Variants in ZNF730 observed in about 807,000 individuals in gnomAD.
ZNF730 encodes the protein putative zinc finger protein 730.
In ZNF730, 12 loss-of-function variants were observed where a neutral mutation model predicts 12.6. That is an observed-to-expected ratio of 0.95 (90% confidence interval 0.61 to 1.54). The LOEUF is 1.54. Ranked by LOEUF, ZNF730 falls within the 40% of genes most tolerant of loss-of-function variation. The probability of loss-of-function intolerance (pLI) is 0.00; values close to 1 mark genes in which losing one functional copy is unlikely to be tolerated. For synonymous variants in ZNF730, 194 were observed against 195.8 expected (o/e 0.99, Z 0.08); for missense variants, 643 against 583.5 (o/e 1.10, Z -1.05).
chr19:23,106,182 G>A (rs1970390557), intron 1 of ZNF730, among the ~76,000 whole-genome samples: 2 of 151,854 alleles, frequency 1.3e-5, no homozygotes. Flanking sequence ...TGGAGAAATA[G>A]AAGGAGGAGG....
rs781362025 is a variant in ZNF730 at position 23,128,949 on chromosome 19, G to T, written c.4-5131G>T. Among the ~76,000 whole-genome samples the T allele has an allele frequency of 2.6e-4, 40 of 152,138 alleles. 1 individual carries two copies. Among genetic ancestry groups the T allele is most frequent in the Non-Finnish European group, 4.9e-4 (33 of 68,012 alleles). ...CCAGCCACTACAGTCATGGCTAAAA[G>T]GGGCCAAGGTAGAGCTCAGGCTGTT... On this transcript the variant is annotated intron_variant, in intron 1 of 3. Coordinates refer to ENST00000597761, the MANE Select transcript of ZNF730 (RefSeq NM_001277403.2).
At position 23,107,449 on chromosome 19, in the gene ZNF730, CAAAAAAAAAAAAAA is replaced by C. The variant is rs57120684; in HGVS notation, c.-93-26618_-93-26605del. ...TGTCTCTACTTTAAAAAAAAAATAC[CAAAAAAAAAAAAAA>C]AAAAAAAAAAAACCACCACAGCTCT... is the stretch of plus-strand genomic sequence containing the variant. On this transcript the variant is annotated intron_variant, in intron 1 of 2. Coordinates refer to the ZNF730 transcript ENST00000593635. Among the ~76,000 whole-genome samples the C allele has an allele frequency of 3.4e-3, 163 of 47,326 alleles. 3 individuals are homozygous for C. Among genetic ancestry groups the C allele is most frequent in the African/African-American group, 0.013 (152 of 11,798 alleles). The allele number at this position is 47,326 out of a possible 152,430, so 31.0% of individuals were successfully genotyped here.
intron 1 of ZNF730, among the ~76,000 whole-genome samples, chr19:23,126,160 TTAAAGGCAA>T (rs1449049724): frequency 6.6e-6 from 1 of 152,178 alleles, no homozygotes; most frequent in African/African-American, 2.4e-5. Context: ...AAATTCTGTT[TTAAAGGCAA>T]TAAAGGCAAT....
At chr19:23,118,527 T>A (rs62122972) in intron 1 of ZNF730, among the ~76,000 whole-genome samples, 6,015 of 152,230 alleles carry the variant, frequency 0.04, 133 homozygotes, top group East Asian at 0.11. Context: ...TTCTGGGTCA[T>A]TTTCTCTCAC....
chr19:23,092,688 G>A (rs1413739760), intron 1 of ZNF730, among the ~76,000 whole-genome samples: 1 of 152,142 alleles, frequency 6.6e-6, no homozygotes, highest in African/African-American at 2.4e-5. Context: ...CTCCCAAAGT[G>A]CTGGGATTGC....
intron 1 of ZNF730, among the ~76,000 whole-genome samples, chr19:23,109,088 T>C (rs1304096445): frequency 6.6e-6 from 1 of 152,178 alleles, no homozygotes; most frequent in Non-Finnish European, 1.5e-5. Context: ...AACTTTTGGA[T>C]GCTATAGAGT....
chr19:23,112,223 A>G (rs563188615), upstream of ZNF730, among the ~76,000 whole-genome samples: 1 of 152,308 alleles, frequency 6.6e-6, no homozygotes, highest in East Asian at 1.9e-4. Context: ...TAAAAAGCAG[A>G]TGGATATCTT....
rs781091128 is a variant in ZNF730 at position 23,134,108 on chromosome 19, T to C, written c.32T>C (p.Ile11Thr). Reference protein sequence around the residue: MGALTFRDVAIEFSLEEWQCL... With the variant: MGALTFRDVATEFSLEEWQCL... ...GCGTTGACATTTAGAGATGTGGCCA[T>C]AGAATTCTCTCTGGAGGAGTGGCAA... is the stretch of plus-strand genomic sequence containing the variant. Residue 11 changes from isoleucine to threonine, a missense_variant, in exon 2 of 4, where the codon ATA (isoleucine) becomes ACA (threonine). Ile to Thr is a moderately conservative substitution (Grantham distance 89). Transcript: ENST00000597761. 150 of 1,612,838 alleles carry C rather than the reference T, an allele frequency of 9.3e-5. 1 individual carries two copies. The South Asian group carries it at 1.6e-3, about 17-fold the overall frequency.
At chr19:23,121,407 C>T (rs974324245) in intron 1 of ZNF730, among the ~76,000 whole-genome samples, 7 of 152,038 alleles carry the variant, frequency 4.6e-5, no homozygotes, top group African/African-American at 1.2e-4. Flanking sequence ...GGCACGATCT[C>T]GGCTCACTGC....
intron 1 of ZNF730, among the ~76,000 whole-genome samples, chr19:23,082,011 G>A (rs1351639066): frequency 6.6e-6 from 1 of 152,156 alleles, no homozygotes; most frequent in Non-Finnish European, 1.5e-5. Context: ...CTTTCACACT[G>A]TAGGAATTAC....
Position 23,107,373 on chromosome 19 carries a change from T to G in ZNF730, c.-93-26707T>G, listed in dbSNP as rs370270897. Among the ~76,000 whole-genome samples, 130 of 142,356 alleles carry G rather than the reference T, an allele frequency of 9.1e-4. 1 individual carries two copies. Among genetic ancestry groups the G allele is most frequent in the African/African-American group, 3.4e-3 (127 of 37,442 alleles). 93.4% of individuals were successfully genotyped at this position (142,356 alleles called of 152,430 possible). Reference sequence around the variant, plus strand: ...CCTGGCCTGTTTTTTCAATAAGACTTATGACACCCACCTCAGACTTCCAAG... The same window carrying G: ...CCTGGCCTGTTTTTTCAATAAGACTGATGACACCCACCTCAGACTTCCAAG... On this transcript the variant is annotated intron_variant, in intron 1 of 2. Coordinates refer to the ZNF730 transcript ENST00000593635.
intron 1 of ZNF730, among the ~76,000 whole-genome samples, chr19:23,119,774 G>A (rs1017225454): frequency 6.6e-6 from 1 of 152,008 alleles, no homozygotes; most frequent in Non-Finnish European, 1.5e-5. Context: ...CCAAGATCGC[G>A]CCACTGCACT....
At chr19:23,129,572 T>TTCCCCCCCC (rs1555715538) in intron 1 of ZNF730, among the ~76,000 whole-genome samples, 2 of 138,486 alleles carry the variant, frequency 1.4e-5, no homozygotes, top group African/African-American at 5.6e-5. Context: ...AATGCTTGTA[T>TTCCCCCCCC]CCCCCCCCCC....
chr19:23,130,201 C>T (rs367627508), intron 1 of ZNF730, among the ~76,000 whole-genome samples: 12 of 152,050 alleles, frequency 7.9e-5, no homozygotes, highest in South Asian at 4.1e-4. Context: ...GTCTTCCCTG[C>T]GCTGTTCTCG....
intron 3 of ZNF730, among the ~76,000 whole-genome samples, chr19:23,138,940 C>G (rs1010460113): frequency 1.3e-5 from 2 of 152,072 alleles, no homozygotes; most frequent in African/African-American, 2.4e-5. Context: ...AATAGGGCAC[C>G]TTTTATTTTT....
chr19:23,111,581 T>C (rs1246279633), intron 1 of ZNF730, among the ~76,000 whole-genome samples: 1 of 152,006 alleles, frequency 6.6e-6, no homozygotes, highest in African/African-American at 2.4e-5. Context: ...ACCCCGTCTC[T>C]ACTAAAAATT....
At chr19:23,089,603 G>T (rs1327174587) in intron 1 of ZNF730, among the ~76,000 whole-genome samples, 2 of 152,014 alleles carry the variant, frequency 1.3e-5, no homozygotes, top group African/African-American at 4.8e-5. Context: ...ATTTTCTCTT[G>T]CTGCTGTGAT....
At chr19:23,134,480 G>C (rs1040160773) in intron 2 of ZNF730, among the ~76,000 whole-genome samples, 1 of 147,312 alleles carries the variant, frequency 6.8e-6, no homozygotes, top group African/African-American at 2.5e-5. Flanking sequence ...AGGTGGGGGG[G>C]CCAGCCCCCC....
intron 1 of ZNF730, chr19:23,127,423 C>T (rs1295803148): frequency 5.8e-6 from 6 of 1,039,176 alleles, no homozygotes; most frequent in Non-Finnish European, 8.8e-6. Context: ...CCTGTTTCAT[C>T]TTTGTGAATT....
Sources: gnomAD v4.1 joint callset for allele counts (sites outside exome capture counted in the v4.1 genomes callset) on GRCh38, gnomAD v4.1.1 for gene constraint, MANE v1.5 for transcripts, NCBI Gene and HGNC (gene_info 2026-07-23, HGNC 2026-07-21) for gene names.